COL25A1: variants seen among roughly 807,000 people sequenced by gnomAD.
COL25A1 encodes collagen type XXV alpha 1 chain, also known as collagen alpha-1(XXV) chain.
Under a neutral mutation model 128.4 loss-of-function variants are expected in COL25A1, and 103 were observed. That is an observed-to-expected ratio of 0.80 (90% confidence interval 0.68 to 0.94). COL25A1 has a LOEUF of 0.94. COL25A1 is among the 40% of genes least tolerant of loss of function. The pLI is 0.00. For synonymous variants in COL25A1, 279 were observed against 277.2 expected, an observed-to-expected ratio of 1.01 and a Z score of -0.06; for missense variants, 745 against 840.0, an observed-to-expected ratio of 0.89 and a Z score of 1.40.
chr4:109,147,799 A>G (rs981238406), intron 3 of COL25A1, among the ~76,000 whole-genome samples: 1 of 150,454 alleles, frequency 6.6e-6, no homozygotes, highest in Middle Eastern at 3.2e-3. Context: ...CCTGGATGAC[A>G]CAGAAAGACT....
chr4:108,983,963 C>CT (rs1753344117), intron 6 of COL25A1, among the ~76,000 whole-genome samples: 1 of 152,122 alleles, frequency 6.6e-6, no homozygotes, highest in African/African-American at 2.4e-5. Flanking sequence ...GGGCAGCCTG[C>CT]TTTTATTCTC....
intron 8 of COL25A1, among the ~76,000 whole-genome samples, chr4:108,963,872 A>G (rs1751005691): frequency 1.3e-5 from 2 of 151,554 alleles, no homozygotes; most frequent in Non-Finnish European, 2.9e-5. Context: ...AAAAATGTGA[A>G]ATAGTGCCCC....
In COL25A1 at chr4:109,299,563, G is replaced by T. The variant is rs562227759; in HGVS notation, c.367+1020C>A. ...TGCCAAAACAAGTTATCATGAGGGG[G>T]AAACGTTTCAGAATATGAAAAAATA... On this transcript the variant is annotated intron_variant, in intron 3 of 37. Coordinates refer to ENST00000399132, the MANE Select transcript of COL25A1 (RefSeq NM_198721.4). Among the ~76,000 whole-genome samples the T allele has an allele frequency of 2.6e-5, 4 of 152,138 alleles. No homozygotes were observed. In the South Asian group the frequency reaches 8.3e-4, roughly 32 times the overall value.
At chr4:109,144,817 CATT>C (rs111302110) in intron 3 of COL25A1, among the ~76,000 whole-genome samples, 14,054 of 152,124 alleles carry the variant, frequency 0.092, 1,323 homozygotes, top group African/African-American at 0.24. Context: ...TTTCCAAAAG[CATT>C]ATACAAATTG....
In COL25A1 at chr4:108,808,946, C is replaced by T. The variant is rs2125694956; in HGVS notation, c.*4981G>A. 6.6e-6 allele frequency: 1 copy of T among 152,208 alleles called. No individual in the cohort carries two copies. Among genetic ancestry groups the T allele is most frequent in the South Asian group, 2.1e-4 (1 of 4,826 alleles). The allele number at this position is 152,208 out of a possible 1,614,324, so 9.4% of individuals were successfully genotyped here. On this transcript the variant is annotated 3_prime_UTR_variant, in exon 38 of 38. Transcript: ENST00000399132. ...TGAACACAATGCAATTATCTCCAAA[C>T]CGCAAATCAAAAATCTTATGCATCT...
intron 30 of COL25A1, among the ~76,000 whole-genome samples, chr4:108,844,209 G>T (rs1185307906): frequency 6.6e-6 from 1 of 152,174 alleles, no homozygotes; most frequent in African/African-American, 2.4e-5. Context: ...CTGGTATCAG[G>T]TTAGAGGAGT....
chr4:109,043,076 G>A (rs745452426), intron 5 of COL25A1, among the ~76,000 whole-genome samples: 9 of 151,328 alleles, frequency 5.9e-5, no homozygotes, highest in Non-Finnish European at 1.2e-4. Context: ...CCTGCTAGAT[G>A]TGCAACCTTG....
rs1175814676 is a variant in COL25A1 at position 108,809,844 on chromosome 4, G to A, written c.*4083C>T. The stretch of plus-strand genomic sequence containing the variant: ...CAAGCTTGTTAATTCCACTAGGGAT[G>A]TATGATTTTAATAGCCAGAATCACA... On this transcript the variant is annotated 3_prime_UTR_variant, in exon 38 of 38. Transcript: ENST00000399132. 6.6e-6 allele frequency: 1 copy of A among 152,002 alleles called. No homozygotes were observed. The highest frequency in any genetic ancestry group is 6.6e-5 in the Admixed American group (1 of 15,264). 9.4% of individuals were successfully genotyped at this position (152,002 alleles called of 1,614,324 possible).
chr4:109,067,420 A>T (rs538901731), intron 3 of COL25A1, among the ~76,000 whole-genome samples: 1 of 152,240 alleles, frequency 6.6e-6, no homozygotes, highest in South Asian at 2.1e-4. Context: ...AAACTCTTTG[A>T]TGTCTAAGGA....
chr4:108,824,187 T>G lies in COL25A1; in HGVS notation c.1832A>C (p.Glu611Ala). ...TGGAGAGGTCACCTTTTCTCCCTTT[T>G]CTCCTAGATCACCCTTCTCACCCCG... ...GPRGEKGDLG[E>A]KGEKGFRGVK... Residue 611 changes from glutamate to alanine, a missense_variant, in exon 35 of 38, where the codon GAA (glutamate) becomes GCA (alanine). Physicochemically the swap from Glu to Ala is moderately radical, Grantham distance 107 (BLOSUM62 -1). This residue lies in a region of COL25A1 where 387 missense variants were observed against 441.9 expected (regional missense o/e 0.88). Transcript: ENST00000399132. 6.2e-7 allele frequency: 1 copy of G among 1,613,914 alleles called. No homozygotes were observed. The highest frequency in any genetic ancestry group is 8.5e-7 in the Non-Finnish European group (1 of 1,179,916).
intron 27 of COL25A1, among the ~76,000 whole-genome samples, chr4:108,847,149 G>T (rs1735211783): frequency 6.6e-6 from 1 of 151,950 alleles, no homozygotes; most frequent in South Asian, 2.1e-4. Flanking sequence ...CAGGTGATCT[G>T]CTCACCTTGG....
At chr4:109,088,226 A>G (rs1172969087) in intron 3 of COL25A1, among the ~76,000 whole-genome samples, 1 of 152,076 alleles carries the variant, frequency 6.6e-6, no homozygotes, top group Non-Finnish European at 1.5e-5. Context: ...AGTGTCAAAA[A>G]CATCTTTAAT....
chr4:109,248,588 A>T (rs1055330853), intron 3 of COL25A1, among the ~76,000 whole-genome samples: 4 of 152,198 alleles, frequency 2.6e-5, no homozygotes, highest in African/African-American at 9.6e-5. Context: ...GCATGAAAAT[A>T]AGCATCCATC....
rs780765827 is a variant in COL25A1, at chr4:108,813,946, C to T, written c.1963-17G>A. On this transcript the variant is annotated splice_polypyrimidine_tract_variant and intron_variant, in intron 37 of 37. Transcript: ENST00000399132. ...GATTCATCACTGCAGAAAAAGACAA[C>T]AAAAAGACAAATACATGGAATTAGT... The T allele has an allele frequency of 1.9e-6, 3 of 1,581,608 alleles. No homozygotes were observed. The highest frequency in any genetic ancestry group is 2.2e-5 in the East Asian group (1 of 44,544).
At chr4:109,024,064 A>G (rs1758006954) in intron 5 of COL25A1, among the ~76,000 whole-genome samples, 1 of 152,220 alleles carries the variant, frequency 6.6e-6, no homozygotes, top group Non-Finnish European at 1.5e-5. Context: ...ACAGTATTCA[A>G]TAAATTACAT....
chr4:109,291,843 C>G (rs905095061), intron 3 of COL25A1, among the ~76,000 whole-genome samples: 5 of 152,100 alleles, frequency 3.3e-5, no homozygotes, highest in South Asian at 2.1e-4. Flanking sequence ...GTACCATGCT[C>G]AGTTACACAG....
At chr4:108,970,973 C>T (rs972350379) in intron 8 of COL25A1, among the ~76,000 whole-genome samples, 1 of 151,954 alleles carries the variant, frequency 6.6e-6, no homozygotes, top group Non-Finnish European at 1.5e-5. Context: ...TAACTAAATC[C>T]TGCCATTTTC....
chr4:109,295,738 A>C (rs1468986731), intron 3 of COL25A1, among the ~76,000 whole-genome samples: 1 of 152,098 alleles, frequency 6.6e-6, no homozygotes, highest in African/African-American at 2.4e-5. Context: ...ATTTCCACCC[A>C]AAAATGAGAA....
chr4:109,053,527 T>C lies in COL25A1; in HGVS notation c.368-3348A>G, dbSNP rs115725745. Among the ~76,000 whole-genome samples, 1,270 of 152,188 alleles carry C rather than the reference T, an allele frequency of 8.3e-3. 9 individuals are homozygous for C. The highest frequency in any genetic ancestry group is 0.014 in the Non-Finnish European group (920 of 67,988). On this transcript the variant is annotated intron_variant, in intron 3 of 37. Transcript: ENST00000399132. ...ATGGGCCCTCACATGATCGTGAGGG[T>C]GGGTGGTTATTGGAAGTAGCTGGAA...
Sources: allele counts gnomAD v4.1 joint callset (sites outside exome capture counted in the v4.1 genomes callset), GRCh38; gene constraint gnomAD v4.1.1; regional missense constraint gnomAD v4.1.1; transcripts MANE v1.5; gene names NCBI Gene and HGNC (gene_info 2026-07-23, HGNC 2026-07-21).